The following RASA3 variants were observed in gnomAD, a reference collection of about 807,000 sequenced individuals.
RASA3 encodes RAS p21 protein activator 3.
In RASA3, 73 loss-of-function variants were observed where a neutral mutation model predicts 110.0. The observed-to-expected ratio is 0.66, with a 90% CI of 0.55 to 0.81. The LOEUF (loss-of-function observed/expected upper bound fraction) is 0.81. Ranked by LOEUF, RASA3 falls within the 30% of genes least tolerant of loss-of-function variation. The probability of loss-of-function intolerance (pLI) is 0.00; values close to 1 mark genes in which losing one functional copy is unlikely to be tolerated. For missense variants in RASA3, 976 were observed against 1,113.2 expected (o/e 0.88, Z 1.75); for synonymous variants, 500 against 451.4 (o/e 1.11, Z -1.37).
intron 1 of RASA3, among the ~76,000 whole-genome samples, chr13:114,095,198 T>C (rs1257073656): frequency 6.6e-6 from 1 of 152,248 alleles, no homozygotes; most frequent in Non-Finnish European, 1.5e-5. Context: ...TCATCCTCCA[T>C]TGGTGAATAA....
In RASA3 at chr13:114,114,178, C is replaced by T. The variant is rs1183308030; in HGVS notation, c.55+18257G>A. ...CATCAATCCACCCCACCACGGTGAG[C>T]GTCTGCGATGTCCGTGCAGGGGAGA... On this transcript the variant is annotated intron_variant, in intron 1 of 23. Transcript: ENST00000334062. This position sits in a 1 kb window ranked among gnomAD's most constrained non-coding sequence, Gnocchi z 4.8. 1.3e-5 allele frequency among the ~76,000 whole-genome samples: 2 copies of T among 152,182 alleles called. No homozygotes were observed. The highest frequency in any genetic ancestry group is 2.9e-5 in the Non-Finnish European group (2 of 68,024).
intron 8 of RASA3, among the ~76,000 whole-genome samples, chr13:114,022,128 C>CG (rs2053939836): frequency 6.6e-6 from 1 of 152,146 alleles, no homozygotes; most frequent in Non-Finnish European, 1.5e-5. Flanking sequence ...CACACCACAG[C>CG]GGGGGGAGAA....
At chr13:114,051,972 A>G in intron 3 of RASA3, 80 bp downstream of exon 3, 1 of 1,161,760 alleles carries the variant, frequency 8.6e-7, no homozygotes, top group Non-Finnish European at 1.3e-6. Flanking sequence ...CCATCCAGCC[A>G]GGCTCTGGAC....
intron 1 of RASA3, among the ~76,000 whole-genome samples, chr13:114,099,461 C>G (rs528200768): frequency 6.6e-6 from 1 of 151,810 alleles, no homozygotes; most frequent in Non-Finnish European, 1.5e-5. Flanking sequence ...TTGGATTCCC[C>G]GGGGTGTCCG....
chr13:114,052,729 A>G, intron 2 of RASA3, among the ~76,000 whole-genome samples: 1 of 146,604 alleles, frequency 6.8e-6, no homozygotes, highest in African/African-American at 2.6e-5. Flanking sequence ...CTCCTGGGGG[A>G]GAGATCCCCG....
intron 7 of RASA3, among the ~76,000 whole-genome samples, chr13:114,024,943 G>C (rs765513960): frequency 8.5e-5 from 13 of 152,238 alleles, no homozygotes; most frequent in Non-Finnish European, 1.8e-4. Flanking sequence ...AAGGCGTGAA[G>C]GGTCGAGGCT....
Position 114,058,404 on chromosome 13 carries a change from A to G in RASA3, c.174-6249T>C, listed in dbSNP as rs554092571. 1.8e-4 allele frequency among the ~76,000 whole-genome samples: 27 copies of G among 152,338 alleles called. 2 individuals are homozygous for G. The highest frequency in any genetic ancestry group is 6.5e-4 in the African/African-American group (27 of 41,578). On this transcript the variant is annotated intron_variant, in intron 2 of 23. Transcript: ENST00000334062. ...CCTCTCCCGAACCTGGATTCCCACC[A>G]CAGAATTCAGCTCCTCGGGTGCTCA... is the stretch of plus-strand genomic sequence containing the variant.
At chr13:114,077,994 A>AG (rs1463666017) in intron 1 of RASA3, 1 of 792,936 alleles carries the variant, frequency 1.3e-6, no homozygotes, top group Non-Finnish European at 1.5e-6. Context: ...TTGAAACAGA[A>AG]AAAAAAAAAA....
At chr13:113,979,461 C>T (rs777992951) in intron 23 of RASA3, 39 bp from the exon 24 acceptor site, 1 of 1,497,498 alleles carries the variant, frequency 6.7e-7, no homozygotes, top group Non-Finnish European at 9.3e-7. Context: ...GGCACAGACC[C>T]CGTTGCCTGG....
At position 113,995,054 on chromosome 13, in the gene RASA3, G is replaced by A. The variant is rs538152579; in HGVS notation, c.2141+1477C>T. On this transcript the variant is annotated intron_variant, in intron 21 of 23. Coordinates refer to ENST00000334062, the MANE Select transcript of RASA3 (RefSeq NM_007368.4). ...GGTGTGCGGGATAGGGGAGGCTCCC[G>A]AGCTGTCCGGCCTCAGCGGCTGGAG... Among the ~76,000 whole-genome samples, 6 of 152,372 alleles carry A rather than the reference G, an allele frequency of 3.9e-5. No homozygotes were observed. In the South Asian group the frequency reaches 6.2e-4, roughly 16 times the overall value.
intron 2 of RASA3, among the ~76,000 whole-genome samples, chr13:114,063,612 G>A (rs2079398640): frequency 6.6e-6 from 1 of 152,252 alleles, no homozygotes; most frequent in South Asian, 2.1e-4. Flanking sequence ...CAGACGGCAC[G>A]TGTGTGCGTG....
At chr13:113,982,043 T>C (rs1009018864) in intron 22 of RASA3, among the ~76,000 whole-genome samples, 185 bp from the exon 23 acceptor site, 2 of 152,078 alleles carry the variant, frequency 1.3e-5, no homozygotes, top group African/African-American at 4.8e-5. Flanking sequence ...GGTAGGCGAG[T>C]TGTGCCCACA....
intron 23 of RASA3, among the ~76,000 whole-genome samples, chr13:113,980,823 G>A (rs896704292): frequency 6.6e-6 from 1 of 152,166 alleles, no homozygotes; most frequent in African/African-American, 2.4e-5. Context: ...CCCGCATGGT[G>A]GAAGGAAGGA....
chr13:114,017,198 A>G (rs1274142821), intron 12 of RASA3, 39 bp downstream of exon 12: 1 of 1,560,450 alleles, frequency 6.4e-7, no homozygotes, highest in Non-Finnish European at 8.8e-7. Context: ...AATCCTCCCC[A>G]CGCCTCGTGA....
intron 3 of RASA3, among the ~76,000 whole-genome samples, chr13:114,049,671 C>T (rs556742433): frequency 6.6e-6 from 1 of 152,388 alleles, no homozygotes; most frequent in South Asian, 2.1e-4. Context: ...CGCGTGGCGC[C>T]CGGCACAGGC....
At chr13:113,989,290 T>C (rs2053046585) in intron 22 of RASA3, among the ~76,000 whole-genome samples, 1 of 136,902 alleles carries the variant, frequency 7.3e-6, no homozygotes, top group South Asian at 2.7e-4. Flanking sequence ...CATCCGTCCA[T>C]CCACCCATTA....
intron 3 of RASA3, among the ~76,000 whole-genome samples, chr13:114,043,458 C>T (rs759165559): frequency 3.3e-5 from 5 of 152,112 alleles, no homozygotes; most frequent in Admixed American, 2.0e-4. Flanking sequence ...TTCCCAGCTC[C>T]GGGACCCCCG....
chr13:114,013,480 CG>C (rs1335911118), intron 14 of RASA3, among the ~76,000 whole-genome samples: 1 of 136,360 alleles, frequency 7.3e-6, no homozygotes, highest in Non-Finnish European at 1.6e-5. Context: ...TGTCTCTCTC[CG>C]TATCTCTGTC....
chr13:114,132,363 A>G (rs2080533516), intron 1 of RASA3, 72 bp downstream of exon 1: 2 of 1,388,772 alleles, frequency 1.4e-6, no homozygotes, highest in African/African-American at 1.5e-5. Context: ...GGATCTGCGG[A>G]GGGGAGGCGG....
Sources: gnomAD v4.1 joint callset for allele counts (sites outside exome capture counted in the v4.1 genomes callset) on GRCh38, gnomAD v4.1.1 for gene constraint, Gnocchi (gnomAD v3.1) non-coding constraint, MANE v1.5 for transcripts, NCBI Gene and HGNC (gene_info 2026-07-23, HGNC 2026-07-21) for gene names.